IFT81: variants seen among roughly 807,000 people sequenced by gnomAD.
IFT81 encodes the protein intraflagellar transport 81, also known as intraflagellar transport protein 81 homolog.
Under a neutral mutation model 102.6 loss-of-function variants are expected in IFT81, and 72 were observed. The ratio of observed to expected loss-of-function variants is 0.70; its 90% CI spans 0.58 to 0.85. The LOEUF (loss-of-function observed/expected upper bound fraction) is 0.85, where lower values mean the gene tolerates loss of function less well. Ranked by LOEUF, IFT81 falls within the 40% of genes least tolerant of loss-of-function variation. The pLI, the probability that IFT81 is intolerant of heterozygous loss-of-function variation, is 0.00. For missense variants in IFT81, 723 were observed against 787.3 expected (o/e 0.92, Z 0.98); for synonymous variants, 237 against 242.7 (o/e 0.98, Z 0.22).
intron 4 of IFT81, 82 bp from the exon 5 acceptor site, chr12:110,132,465 A>G (rs1894224907): frequency 7.9e-6 from 5 of 634,806 alleles, no homozygotes. Flanking sequence ...GTCTCAAAAA[A>G]AAAAAAAAAA....
At chr12:110,179,318 T>A (rs753304393) in intron 11 of IFT81, among the ~76,000 whole-genome samples, 41 of 152,286 alleles carry the variant, frequency 2.7e-4, no homozygotes, top group Admixed American at 3.9e-4. Flanking sequence ...TGGTCATTAA[T>A]CTCCTACTTT....
intron 18 of IFT81, among the ~76,000 whole-genome samples, chr12:110,211,172 TTTC>T (rs1244150148): frequency 2.7e-5 from 4 of 146,776 alleles, no homozygotes; most frequent in East Asian, 2.0e-4. Context: ...CGTATTAGGC[TTTC>T]TTTTTTTTTT....
At chr12:110,203,704 A>C in intron 14 of IFT81, 160 bp from the exon 15 acceptor site, 2 of 645,472 alleles carry the variant, frequency 3.1e-6, no homozygotes, top group Non-Finnish European at 5.6e-6. Flanking sequence ...ACCTTCATCT[A>C]TCATAATTCT....
chr12:110,149,336 G>A (rs1451003197), intron 10 of IFT81, among the ~76,000 whole-genome samples: 1 of 152,188 alleles, frequency 6.6e-6, no homozygotes, highest in Non-Finnish European at 1.5e-5. Flanking sequence ...TCTAGAGGAG[G>A]TATAGACAGG....
At chr12:110,210,330 A>G (rs767722512) in intron 18 of IFT81, among the ~76,000 whole-genome samples, 4 of 152,248 alleles carry the variant, frequency 2.6e-5, no homozygotes, top group African/African-American at 4.8e-5. Context: ...AGATTGATTT[A>G]GATGAGTTAT....
At chr12:110,140,850 A>G (rs919251951) in intron 8 of IFT81, among the ~76,000 whole-genome samples, 6 of 145,334 alleles carry the variant, frequency 4.1e-5, no homozygotes, top group African/African-American at 1.5e-4. Context: ...CAGCCTCCCA[A>G]GTAGCTGGGA....
intron 11 of IFT81, chr12:110,168,512 T>C (rs1227917757): frequency 5.6e-6 from 5 of 890,736 alleles, no homozygotes; most frequent in Non-Finnish European, 6.7e-6. Flanking sequence ...TAAACGATTA[T>C]ACTACATTAA....
chr12:110,164,859 G>A (rs1183402034), intron 11 of IFT81, among the ~76,000 whole-genome samples: 1 of 152,092 alleles, frequency 6.6e-6, no homozygotes, highest in East Asian at 1.9e-4. Context: ...CAGCAGTTTC[G>A]CTTTACAAGA....
At chr12:110,175,540 G>C (rs1191729153) in intron 11 of IFT81, among the ~76,000 whole-genome samples, 2 of 152,144 alleles carry the variant, frequency 1.3e-5, no homozygotes, top group Non-Finnish European at 2.9e-5. Flanking sequence ...TTTTACAAAA[G>C]TATCTGATGC....
chr12:110,187,557 TC>T (rs1206558455), intron 12 of IFT81, among the ~76,000 whole-genome samples: 1 of 152,154 alleles, frequency 6.6e-6, no homozygotes, highest in Non-Finnish European at 1.5e-5. Context: ...AAGCTACTGT[TC>T]CTGGCCATGT....
intron 4 of IFT81, among the ~76,000 whole-genome samples, chr12:110,130,745 A>G (rs1407797002): frequency 6.6e-6 from 1 of 152,048 alleles, no homozygotes; most frequent in Non-Finnish European, 1.5e-5. Flanking sequence ...TTCTTGAAGC[A>G]TATCTGACAG....
At chr12:110,170,195 C>G (rs1306628054) in intron 11 of IFT81, among the ~76,000 whole-genome samples, 1 of 152,142 alleles carries the variant, frequency 6.6e-6, no homozygotes, top group African/African-American at 2.4e-5. Flanking sequence ...CCTCATGATC[C>G]ACCCGCCTTA....
chr12:110,177,267 T>TTTTTGTTTTG (rs371205633), intron 11 of IFT81, among the ~76,000 whole-genome samples: 17 of 152,114 alleles, frequency 1.1e-4, no homozygotes, highest in Admixed American at 2.6e-4. Context: ...AAAGTTTGTT[T>TTTTTGTTTTG]TTTTGTTTTG....
intron 8 of IFT81, among the ~76,000 whole-genome samples, chr12:110,137,945 A>G (rs1894615183): frequency 6.6e-6 from 1 of 152,216 alleles, no homozygotes; most frequent in South Asian, 2.1e-4. Flanking sequence ...CTGTTCTTAC[A>G]TTAGCTTAAC....
chr12:110,199,843 C>G (rs1345002705), intron 14 of IFT81, among the ~76,000 whole-genome samples: 1 of 152,200 alleles, frequency 6.6e-6, no homozygotes, highest in East Asian at 1.9e-4. Context: ...CAGGAAACCA[C>G]GGTCATGAAA....
chr12:110,132,485 A>G, intron 4 of IFT81, 62 bp from the exon 5 acceptor site: 1 of 748,256 alleles, frequency 1.3e-6, no homozygotes, highest in Non-Finnish European at 2.2e-6. Context: ...AGAAAGAAAG[A>G]AAGAAAGAAA....
chr12:110,149,946 T>G (rs1315124255), intron 10 of IFT81, among the ~76,000 whole-genome samples: 1 of 151,800 alleles, frequency 6.6e-6, no homozygotes, highest in Non-Finnish European at 1.5e-5. Context: ...AAGGCAGGAG[T>G]GCCTGTCCTC....
intron 10 of IFT81, among the ~76,000 whole-genome samples, chr12:110,155,996 G>A (rs1895817064): frequency 6.6e-6 from 1 of 152,128 alleles, no homozygotes; most frequent in African/African-American, 2.4e-5. Flanking sequence ...GTCACAAAAT[G>A]ACATCTTTAC....
intron 3 of IFT81, among the ~76,000 whole-genome samples, chr12:110,128,480 G>A (rs1003188795): frequency 6.6e-6 from 1 of 150,972 alleles, no homozygotes; most frequent in Admixed American, 6.6e-5. Flanking sequence ...TCTAACTAAT[G>A]TACAGACTGA....
Sources: allele counts gnomAD v4.1 joint callset (sites outside exome capture counted in the v4.1 genomes callset), GRCh38; gene constraint gnomAD v4.1.1; transcripts MANE v1.5; gene names NCBI Gene and HGNC (gene_info 2026-07-23, HGNC 2026-07-21).